The following EVPL variants were observed in gnomAD, a reference collection of about 807,000 sequenced individuals.
EVPL encodes the protein 210 kDa cornified envelope precursor protein.
A neutral mutation model predicts 129.7 loss-of-function variants in EVPL; 94 were observed. The ratio of observed to expected loss-of-function variants is 0.72; its 90% CI spans 0.61 to 0.86. EVPL has a LOEUF of 0.86. Ranked by LOEUF, EVPL falls within the 40% of genes least tolerant of loss-of-function variation. The pLI is 0.00. For missense variants in EVPL, 2,625 were observed against 2,721.1 expected (o/e 0.96, Z 0.79); for synonymous variants, 1,172 against 1,191.1 (o/e 0.98, Z 0.33).
chr17:76,010,892 C>T (rs914640404), intron 21 of EVPL, among the ~76,000 whole-genome samples: 2 of 152,134 alleles, frequency 1.3e-5, no homozygotes, highest in Non-Finnish European at 1.5e-5. Context: ...GAAACCCCAT[C>T]TCTACTAAAA....
chr17:76,009,372 T>C lies in EVPL; in HGVS notation c.3833A>G (p.Asn1278Ser), dbSNP rs199638080. The C allele has an allele frequency of 5.9e-5, 96 of 1,613,866 alleles. No homozygotes were observed. Among genetic ancestry groups the C allele is most frequent in the Admixed American group, 3.7e-4 (22 of 60,016 alleles). ...REIDRLKAQL[N>S]ELVNSHGRSQ... The stretch of plus-strand genomic sequence containing the variant: ...GCGCCCGTGGCTGTTGACGAGCTCG[T>C]TGAGCTGAGCCTTCAGGCGGTCGAT... The change falls in exon 22 of 22, where the codon AAC (asparagine) becomes AGC (serine). Residue 1278 changes from asparagine to serine, a missense_variant. Transcript: ENST00000301607. The surrounding 1 kb of genome is among the most constrained non-coding windows in gnomAD (Gnocchi z 5.9).
Position 76,015,016 on chromosome 17 carries a change from T to G in EVPL, c.2122A>C (p.Asn708His), listed in dbSNP as rs1263109916. The G allele has an allele frequency of 3.1e-6, 5 of 1,595,756 alleles. No homozygotes were observed. In the Admixed American group the frequency reaches 8.3e-5, roughly 27 times the overall value. ...TCTTGGCAGAACTCCTGGAAGTTGT[T>G]CTGCAGGGCAGCGCATGCGTGCTCC... Reference protein sequence around the residue: ...ASEHACAALQNNFQEFCQDLP... With the variant: ...ASEHACAALQHNFQEFCQDLP... Residue 708 changes from asparagine (N) to histidine (H), a missense_variant, in exon 17 of 22, where the codon AAC becomes CAC. Transcript: ENST00000301607.
At position 76,013,778 on chromosome 17, in the gene EVPL, T is replaced by G. The variant is rs760398956; in HGVS notation, c.2373+648A>C. On this transcript the variant is annotated intron_variant, in intron 18 of 21. Transcript: ENST00000301607. The surrounding 1 kb of genome is among the most constrained non-coding windows in gnomAD (Gnocchi z 4.3). The stretch of plus-strand genomic sequence containing the variant: ...TTCATTCCCACCCTCTTAGTCATTC[T>G]CTACATGGCAGCCAGAGCCAGCTTC... 1.3e-5 allele frequency among the ~76,000 whole-genome samples: 2 copies of G among 152,092 alleles called. No individual in the cohort carries two copies. Among genetic ancestry groups the G allele is most frequent in the African/African-American group, 2.4e-5 (1 of 41,398 alleles).
rs148054512 is a variant in EVPL, at chr17:76,012,280, C to T, written c.2374-191G>A. ...CTCTCTGCTTTTCCTCCTTCCTCTC[C>T]GAGGCACCTTGGCAGAATCCCTTTC... On this transcript the variant is annotated intron_variant, in intron 18 of 21. Transcript: ENST00000301607. 3.1e-3 allele frequency: 1,681 copies of T among 544,868 alleles called. 23 individuals carry two copies. Among genetic ancestry groups the T allele is most frequent in the African/African-American group, 0.026 (1,370 of 52,064 alleles). The allele number at this position is 544,868 out of a possible 1,614,324, so 33.8% of individuals were successfully genotyped here.
rs1330807811 is a variant in EVPL at position 76,008,102 on chromosome 17, C to T, written c.5103G>A (p.Glu1701=). The change falls in exon 22 of 22, where the codon GAG becomes GAA. Residue 1701 remains glutamate, a synonymous_variant. Coordinates refer to ENST00000301607, the MANE Select transcript of EVPL (RefSeq NM_001988.4). This position sits in a 1 kb window ranked among gnomAD's most constrained non-coding sequence, Gnocchi z 7.4. ...TGTCGATGATGCCCCTCTTGTAGGCCTCGTATGGGGACATGTCCTTCCCCG... is the reference window on the plus strand; with the variant it reads ...TGTCGATGATGCCCCTCTTGTAGGCTTCGTATGGGGACATGTCCTTCCCCG... ...PETGKDMSPY[E]AYKRGIIDRG... is the part of the protein sequence containing the mutation. 1 of 1,614,158 alleles carries T rather than the reference C, an allele frequency of 6.2e-7. No individual in the cohort carries two copies. Among genetic ancestry groups the T allele is most frequent in the Non-Finnish European group, 8.5e-7 (1 of 1,180,018 alleles).
rs145535523 is a variant in EVPL, at chr17:76,009,270, G to C, written c.3935C>G (p.Thr1312Arg). The change falls in exon 22 of 22, where the codon ACG (threonine) becomes AGG (arginine). Residue 1312 changes from threonine (T) to arginine (R), a missense_variant. By Grantham distance (71) the Thr-to-Arg change is moderately conservative. Around this residue, in one of 4 missense-constraint regions of EVPL, gnomAD observed 1,453 missense variants for 1,511.8 expected, o/e 0.96. Coordinates refer to ENST00000301607, the MANE Select transcript of EVPL (RefSeq NM_001988.4). This position sits in a 1 kb window ranked among gnomAD's most constrained non-coding sequence, Gnocchi z 5.9. ...GTGGCGCACCACCTCCTTGCTCACCGTCTTGGTCTCCACCTTGGCCCGCTC... is the reference window on the plus strand; with the variant it reads ...GTGGCGCACCACCTCCTTGCTCACCCTCTTGGTCTCCACCTTGGCCCGCTC... Reference protein sequence around the residue: ...RRERAKVETKTVSKEVVRHEK... With the variant: ...RRERAKVETKRVSKEVVRHEK... The C allele has an allele frequency of 6.2e-7, 1 of 1,607,592 alleles. No individual in the cohort carries two copies. The highest frequency in any genetic ancestry group is 2.2e-5 in the East Asian group (1 of 44,876).
intron 18 of EVPL, among the ~76,000 whole-genome samples, chr17:76,012,944 C>T (rs926664080): frequency 4.0e-5 from 6 of 151,814 alleles, no homozygotes; most frequent in East Asian, 1.9e-4. Context: ...TGGGGTTTCA[C>T]CGTGTTAGCC....
At chr17:76,019,723 G>A in intron 9 of EVPL, 70 bp from the exon 10 acceptor site, 1 of 1,543,846 alleles carries the variant, frequency 6.5e-7, no homozygotes, top group Non-Finnish European at 8.7e-7. Flanking sequence ...CAAACCAGCT[G>A]AACCTAAGCC....
rs750991454 is a variant in EVPL, at chr17:76,014,407, G to C, written c.2373+19C>G. The C allele has an allele frequency of 1.9e-6, 3 of 1,603,668 alleles. No homozygotes were observed. Among genetic ancestry groups the C allele is most frequent in the Admixed American group, 1.7e-5 (1 of 58,560 alleles). On this transcript the variant is annotated intron_variant, in intron 18 of 21. Coordinates refer to ENST00000301607, the MANE Select transcript of EVPL (RefSeq NM_001988.4). ...GGGGGCCACATGGGCACAGGCAGCT[G>C]TCCCTGCCCCAGCCTCACCTTCTGC...
At chr17:76,023,734 C>T (rs950772313) in intron 2 of EVPL, 80 bp from the exon 3 acceptor site, 92 of 1,455,446 alleles carry the variant, frequency 6.3e-5, no homozygotes, top group Non-Finnish European at 7.6e-5. Context: ...GCCTGAGCCC[C>T]AACTTTGGGA....
In EVPL at chr17:76,007,058, A is replaced by G; in HGVS notation, c.*45T>C. The G allele has an allele frequency of 1.4e-6, 2 of 1,406,884 alleles. No individual in the cohort carries two copies. The highest frequency in any genetic ancestry group is 1.9e-6 in the Non-Finnish European group (2 of 1,080,290). 87.2% of individuals were successfully genotyped at this position (1,406,884 alleles called of 1,614,324 possible). ...CTGAGGCAAGAGGTGTACGTATCCT[A>G]CCTGGCCCAACACACGCACTTCCCC... On this transcript the variant is annotated 3_prime_UTR_variant, in exon 22 of 22. Coordinates refer to ENST00000301607, the MANE Select transcript of EVPL (RefSeq NM_001988.4). This position sits in a 1 kb window ranked among gnomAD's most constrained non-coding sequence, Gnocchi z 8.8.
Position 76,015,465 on chromosome 17 carries a change from C to A in EVPL, c.1874G>T (p.Ser625Ile). The change falls in exon 15 of 22, where the codon AGC (serine) becomes ATC (isoleucine). Residue 625 changes from serine (S) to isoleucine (I), a missense_variant. Ser to Ile is a moderately radical substitution (Grantham distance 142, BLOSUM62 -2). Transcript: ENST00000301607. ...NKFSDVQVLC[S>I]LYGEKAKAAL... ...GAGCACTCACTTCTCCCCGTAGAGG[C>A]TGCACAGAACCTGCACGTCACTGAA... 6.2e-7 allele frequency: 1 copy of A among 1,613,158 alleles called. No homozygotes were observed. The highest frequency in any genetic ancestry group is 1.1e-5 in the South Asian group (1 of 91,068).
chr17:76,009,238 CCTT>C lies in EVPL; in HGVS notation c.3964_3966del (p.Lys1322del), dbSNP rs751406768. 8 of 1,607,928 alleles carry C rather than the reference CCTT, an allele frequency of 5.0e-6. No individual in the cohort carries two copies. The South Asian group carries it at 8.8e-5, about 18-fold the overall frequency. On this transcript the variant is annotated inframe_deletion, in exon 22 of 22. Coordinates refer to ENST00000301607, the MANE Select transcript of EVPL (RefSeq NM_001988.4). The surrounding 1 kb of genome is among the most constrained non-coding windows in gnomAD (Gnocchi z 5.9). ...TCTGCTTCTTTCTCCAGCACCGGGT[CCTT>C]CTCGTGGCGCACCACCTCCTTGCTC...
chr17:76,014,417 C>T lies in EVPL; in HGVS notation c.2373+9G>A, dbSNP rs2144414491. 2 of 1,606,204 alleles carry T rather than the reference C, an allele frequency of 1.2e-6. No individual in the cohort carries two copies. The highest frequency in any genetic ancestry group is 1.7e-6 in the Non-Finnish European group (2 of 1,176,962). On this transcript the variant is annotated intron_variant, in intron 18 of 21. Coordinates refer to ENST00000301607, the MANE Select transcript of EVPL (RefSeq NM_001988.4). Reference sequence around the variant, plus strand: ...TGGGCACAGGCAGCTGTCCCTGCCCCAGCCTCACCTTCTGCGCCTGCAGCT... The same window carrying T: ...TGGGCACAGGCAGCTGTCCCTGCCCTAGCCTCACCTTCTGCGCCTGCAGCT...
Position 76,015,015 on chromosome 17 carries a change from T to A in EVPL, c.2123A>T (p.Asn708Ile). The A allele has an allele frequency of 6.3e-7, 1 of 1,596,088 alleles. No individual in the cohort carries two copies. The highest frequency in any genetic ancestry group is 1.1e-5 in the South Asian group (1 of 90,942). The change falls in exon 17 of 22, where the codon AAC (asparagine) becomes ATC (isoleucine). Residue 708 changes from asparagine to isoleucine, a missense_variant. Physicochemically the swap from Asn to Ile is moderately radical, Grantham distance 149. This residue lies in a region of EVPL where 1,024 missense variants were observed against 997.5 expected (regional missense o/e 1.03). Transcript: ENST00000301607. Reference protein sequence around the residue: ...ASEHACAALQNNFQEFCQDLP... With the variant: ...ASEHACAALQINFQEFCQDLP... Reference sequence around the variant, plus strand: ...GTCTTGGCAGAACTCCTGGAAGTTGTTCTGCAGGGCAGCGCATGCGTGCTC... The same window carrying A: ...GTCTTGGCAGAACTCCTGGAAGTTGATCTGCAGGGCAGCGCATGCGTGCTC...
chr17:76,022,790 G>A lies in EVPL; in HGVS notation c.481-252C>T, dbSNP rs2066471716. The stretch of plus-strand genomic sequence containing the variant: ...TCCAGCTCCATCCTGCCTTGTCTGT[G>A]ACCCAGCCTCAGTGCTTCCTGCCTG... On this transcript the variant is annotated intron_variant, in intron 4 of 21. Coordinates refer to ENST00000301607, the MANE Select transcript of EVPL (RefSeq NM_001988.4). The surrounding 1 kb of genome is among the most constrained non-coding windows in gnomAD (Gnocchi z 5.6). Among the ~76,000 whole-genome samples the A allele has an allele frequency of 6.6e-6, 1 of 152,126 alleles. No individual in the cohort carries two copies. The highest frequency in any genetic ancestry group is 1.5e-5 in the Non-Finnish European group (1 of 68,006).
At position 76,007,116 on chromosome 17, in the gene EVPL, C is replaced by T. The variant is rs752399564; in HGVS notation, c.6089G>A (p.Arg2030His). 1.6e-5 allele frequency: 23 copies of T among 1,482,410 alleles called. No homozygotes were observed. The highest frequency in any genetic ancestry group is 2.0e-4 in the Middle Eastern group (1 of 5,120). The allele number at this position is 1,482,410 out of a possible 1,614,324, so 91.8% of individuals were successfully genotyped here. The change falls in exon 22 of 22, where the codon CGC (arginine) becomes CAC (histidine). Residue 2030 changes from arginine to histidine, a missense_variant. Physicochemically the swap from Arg to His is conservative, Grantham distance 29. Coordinates refer to ENST00000301607, the MANE Select transcript of EVPL (RefSeq NM_001988.4). This position sits in a 1 kb window ranked among gnomAD's most constrained non-coding sequence, Gnocchi z 8.8. The stretch of plus-strand genomic sequence containing the variant: ...CCTTGGCCCGTGTCAGCGAAGGGAG[C>T]GCGGGACGGTGGGGGAGGCGGAGCG... Reference protein sequence around the residue: ...CYRSASPTVPRSLR With the variant: ...CYRSASPTVPHSLR
At chr17:76,014,878 C>G (rs1420879542) in intron 17 of EVPL, 38 bp downstream of exon 17, 1 of 1,544,266 alleles carries the variant, frequency 6.5e-7, no homozygotes, top group East Asian at 2.3e-5. Context: ...GGCTCTGCAC[C>G]AGCCCACACC....
In EVPL at chr17:76,007,604, G is replaced by GC. The variant is rs1567905335; in HGVS notation, c.5600dup (p.Ile1868HisfsTer8). 6.2e-7 allele frequency: 1 copy of GC among 1,613,922 alleles called. No individual in the cohort carries two copies. Among genetic ancestry groups the GC allele is most frequent in the Non-Finnish European group, 8.5e-7 (1 of 1,180,046 alleles). Reference sequence around the variant, plus strand: ...GCTCACGGCTGAGCAGGTCCACGATGCCCCCTGTGGCCGCCTGGGCCTCCA... The same window carrying GC: ...GCTCACGGCTGAGCAGGTCCACGATGCCCCCCTGTGGCCGCCTGGGCCTCCA... On this transcript the variant is annotated frameshift_variant, in exon 22 of 22. Transcript: ENST00000301607. LOFTEE classifies it low-confidence loss of function (END_TRUNC). This position sits in a 1 kb window ranked among gnomAD's most constrained non-coding sequence, Gnocchi z 8.8.
Sources: gnomAD v4.1 joint callset for allele counts (sites outside exome capture counted in the v4.1 genomes callset) on GRCh38, gnomAD v4.1.1 for gene constraint, gnomAD v4.1.1 regional missense constraint, Gnocchi (gnomAD v3.1) non-coding constraint, MANE v1.5 for transcripts, NCBI Gene and HGNC (gene_info 2026-07-23, HGNC 2026-07-21) for gene names.